The following ADGRV1 variants were observed in gnomAD, a reference collection of about 807,000 sequenced individuals.
ADGRV1 encodes G-protein coupled receptor 98.
Under a neutral mutation model 596.2 loss-of-function variants are expected in ADGRV1, and 359 were observed. That is an observed-to-expected ratio of 0.60 (90% confidence interval 0.55 to 0.66). ADGRV1 has a LOEUF of 0.66. ADGRV1 is among the 30% of genes least tolerant of loss of function. The pLI, the probability that ADGRV1 is intolerant of heterozygous loss-of-function variation, is 0.00. For missense variants in ADGRV1, 7,274 were observed against 7,575.6 expected (o/e 0.96, Z 1.48); for synonymous variants, 2,681 against 2,679.2 (o/e 1.00, Z -0.02).
chr5:91,021,980 G>A (rs913048166), intron 85 of ADGRV1, among the ~76,000 whole-genome samples: 2 of 151,950 alleles, frequency 1.3e-5, no homozygotes, highest in African/African-American at 2.4e-5. Flanking sequence ...CCATATTAGC[G>A]TAGTCTTCAG....
chr5:90,643,038 A>G lies in ADGRV1; in HGVS notation c.2550A>G (p.Pro850=). 6.2e-7 allele frequency: 1 copy of G among 1,611,304 alleles called. No individual in the cohort carries two copies. The highest frequency in any genetic ancestry group is 8.5e-7 in the Non-Finnish European group (1 of 1,177,608). ...ITLLARLDGI[P]ELDEHYWVVL... ...TGCTAGCAAGATTGGATGGGATACC[A>G]GAGGTATGGGATTTTATATTTTCTT... Residue 850 remains proline, a synonymous_variant, in exon 13 of 90, where the codon CCA becomes CCG. Coordinates refer to ENST00000405460, the MANE Select transcript of ADGRV1 (RefSeq NM_032119.4).
At chr5:90,593,415 C>G (rs971105414) in intron 1 of ADGRV1, among the ~76,000 whole-genome samples, 1 of 151,674 alleles carries the variant, frequency 6.6e-6, no homozygotes, top group African/African-American at 2.4e-5. Context: ...AACACATGGA[C>G]ACAGGGCGGG....
chr5:91,108,695 A>G (rs779575201), intron 87 of ADGRV1, among the ~76,000 whole-genome samples: 1 of 152,084 alleles, frequency 6.6e-6, no homozygotes, highest in Non-Finnish European at 1.5e-5. Flanking sequence ...CCTGGGCTCA[A>G]GCAATCCTGC....
intron 86 of ADGRV1, among the ~76,000 whole-genome samples, chr5:91,094,044 G>A (rs1421563683): frequency 6.6e-6 from 1 of 151,722 alleles, no homozygotes; most frequent in Non-Finnish European, 1.5e-5. Flanking sequence ...TAGAGATGGG[G>A]TTTCGCCATG....
chr5:90,746,533 G>A (rs949248972), intron 52 of ADGRV1, among the ~76,000 whole-genome samples: 3 of 152,146 alleles, frequency 2.0e-5, no homozygotes, highest in African/African-American at 7.2e-5. Context: ...CCAAGAGCAT[G>A]TCCTCAGAGA....
intron 85 of ADGRV1, among the ~76,000 whole-genome samples, chr5:90,998,285 A>G (rs1333495149): frequency 6.6e-6 from 1 of 152,192 alleles, no homozygotes; most frequent in Non-Finnish European, 1.5e-5. Flanking sequence ...GTGCTGCTGT[A>G]CTAGAATACC....
intron 84 of ADGRV1, among the ~76,000 whole-genome samples, chr5:90,966,345 A>G (rs1218128814): frequency 4.6e-5 from 7 of 152,074 alleles, no homozygotes; most frequent in Non-Finnish European, 1.0e-4. Flanking sequence ...AGCCTGTCCA[A>G]CATGGTGAAA....
intron 34 of ADGRV1, among the ~76,000 whole-genome samples, chr5:90,699,482 G>T (rs1295844817): frequency 6.6e-6 from 1 of 152,184 alleles, no homozygotes; most frequent in East Asian, 1.9e-4. Context: ...CAAGAGCTGA[G>T]ATCAGGAAAG....
intron 85 of ADGRV1, among the ~76,000 whole-genome samples, chr5:91,056,683 G>T (rs1050894045): frequency 3.3e-4 from 50 of 152,010 alleles, no homozygotes; most frequent in African/African-American, 1.2e-3. Context: ...CTCTCACTTG[G>T]TCATTGTCAA....
chr5:90,788,529 A>G, intron 68 of ADGRV1, among the ~76,000 whole-genome samples: 1 of 152,140 alleles, frequency 6.6e-6, no homozygotes, highest in Non-Finnish European at 1.5e-5. Context: ...ATTTTAGTAT[A>G]TGATACTTAT....
chr5:90,861,024 A>G (rs1767501152), intron 82 of ADGRV1, among the ~76,000 whole-genome samples: 1 of 152,124 alleles, frequency 6.6e-6, no homozygotes, highest in South Asian at 2.1e-4. Flanking sequence ...TATGTATACA[A>G]ACTTTCAAAT....
intron 83 of ADGRV1, among the ~76,000 whole-genome samples, chr5:90,911,680 C>A (rs142016340): frequency 6.6e-6 from 1 of 152,204 alleles, no homozygotes; most frequent in Non-Finnish European, 1.5e-5. Context: ...AAATTTTTAA[C>A]TTTTAATAAA....
intron 50 of ADGRV1, among the ~76,000 whole-genome samples, chr5:90,738,435 T>G (rs1297464536): frequency 1.3e-5 from 2 of 152,152 alleles, no homozygotes; most frequent in Non-Finnish European, 2.9e-5. Context: ...TTTTATGTTA[T>G]TAGTTATCAG....
At chr5:90,870,549 CT>C (rs2150494361) in intron 83 of ADGRV1, among the ~76,000 whole-genome samples, 1 of 152,226 alleles carries the variant, frequency 6.6e-6, no homozygotes, top group East Asian at 1.9e-4. Flanking sequence ...GAGATTAGTC[CT>C]CAAATTTGGC....
rs376855515 is a variant in ADGRV1 at position 90,643,011 on chromosome 5, C to T, written c.2523C>T (p.Thr841=). ...CTGGAGAAAGGGAGATAGTGATCACCTTGCTAGCAAGATTGGATGGGATAC... is the reference window on the plus strand; with the variant it reads ...CTGGAGAAAGGGAGATAGTGATCACTTTGCTAGCAAGATTGGATGGGATAC... ...FKPGEREIVI[T]LLARLDGIPE... Residue 841 remains threonine (T), a synonymous_variant, in exon 13 of 90, where the codon ACC becomes ACT. Coordinates refer to ENST00000405460, the MANE Select transcript of ADGRV1 (RefSeq NM_032119.4). The T allele has an allele frequency of 1.4e-5, 23 of 1,613,240 alleles. No individual in the cohort carries two copies. The highest frequency in any genetic ancestry group is 1.9e-5 in the Non-Finnish European group (22 of 1,179,490).
At chr5:90,614,637 G>T (rs1022086622) in intron 1 of ADGRV1, 198 bp from the exon 2 acceptor site, 21 of 628,750 alleles carry the variant, frequency 3.3e-5, no homozygotes, top group Non-Finnish European at 5.5e-5. Flanking sequence ...AGTAGAAAGA[G>T]AACCGTAAGA....
intron 73 of ADGRV1, 35 bp downstream of exon 73, chr5:90,807,772 C>T (rs1199684380): frequency 4.7e-6 from 7 of 1,490,328 alleles, no homozygotes; most frequent in Non-Finnish European, 6.3e-6. Context: ...AAGAAATTCT[C>T]TGAGGAATAA....
chr5:90,724,865 GT>G lies in ADGRV1; in HGVS notation c.9788del (p.Leu3263TrpfsTer16). ...GMDVVFSVFQSFLDESASGWC... is the reference protein window; with the variant it reads ...GMDVVFSVFQXFLDESASGWC... ...GATGTTGTGTTTTCCGTATTTCAAA[GT>G]TTTTTGGATGAATCAGCTTCTGGCT... is the stretch of plus-strand genomic sequence containing the variant. On this transcript the variant is annotated frameshift_variant, in exon 46 of 90. Transcript: ENST00000405460. LOFTEE classifies it high-confidence loss of function. The G allele has an allele frequency of 1.2e-6, 2 of 1,613,166 alleles. No homozygotes were observed. The highest frequency in any genetic ancestry group is 2.2e-5 in the South Asian group (2 of 91,042).
intron 70 of ADGRV1, among the ~76,000 whole-genome samples, chr5:90,800,751 G>T (rs1761274076): frequency 6.6e-6 from 1 of 152,178 alleles, no homozygotes; most frequent in Non-Finnish European, 1.5e-5. Flanking sequence ...CATAAAAATG[G>T]ATGAGTTCAT....
Sources: gnomAD v4.1 joint callset for allele counts (sites outside exome capture counted in the v4.1 genomes callset) on GRCh38, gnomAD v4.1.1 for gene constraint, MANE v1.5 for transcripts, NCBI Gene and HGNC (gene_info 2026-07-23, HGNC 2026-07-21) for gene names.